The following GSE1 variants were observed in gnomAD, a reference collection of about 807,000 sequenced individuals.
The protein encoded by GSE1 is Gse1 coiled-coil protein.
A neutral mutation model predicts 112.6 loss-of-function variants in GSE1; 32 were observed. The observed-to-expected ratio is 0.28, with a 90% CI of 0.21 to 0.38. The LOEUF (loss-of-function observed/expected upper bound fraction) is 0.38. Among genes scored for constraint, GSE1 ranks in the 10% least tolerant of loss-of-function variants. GSE1 has a pLI of 1.00. For synonymous variants in GSE1, 1,115 were observed against 735.6 expected, an observed-to-expected ratio of 1.52 and a Z score of -8.35; for missense variants, 2,348 against 1,699.2, an observed-to-expected ratio of 1.38 and a Z score of -6.71.
chr16:85,327,262 C>T (rs1420993405), intron 1 of GSE1, among the ~76,000 whole-genome samples: 1 of 152,228 alleles, frequency 6.6e-6, no homozygotes, highest in Non-Finnish European at 1.5e-5. Context: ...CAGATGCAGA[C>T]ACAGAGCCCT....
intron 1 of GSE1, among the ~76,000 whole-genome samples, chr16:85,581,551 G>A (rs1044487896): frequency 1.3e-5 from 2 of 152,200 alleles, no homozygotes; most frequent in African/African-American, 2.4e-5. Flanking sequence ...CCCCAAGGCA[G>A]GACCCTGGAG....
intron 2 of GSE1, among the ~76,000 whole-genome samples, chr16:85,367,321 T>TGTCTCTGCTGC (rs1234488626): frequency 5.3e-5 from 8 of 152,204 alleles, no homozygotes; most frequent in African/African-American, 1.9e-4. Flanking sequence ...TCTCTGCCGC[T>TGTCTCTGCTGC]ACAATGCCGT....
At chr16:85,292,756 G>A (rs1391842888) in intron 1 of GSE1, among the ~76,000 whole-genome samples, 1 of 152,128 alleles carries the variant, frequency 6.6e-6, no homozygotes, top group East Asian at 1.9e-4. Context: ...CACTGCGCCC[G>A]GCCAGAATGA....
chr16:85,580,806 G>C (rs569136821), intron 1 of GSE1, among the ~76,000 whole-genome samples: 1 of 152,256 alleles, frequency 6.6e-6, no homozygotes, highest in Non-Finnish European at 1.5e-5. Context: ...CGCTGTCTCC[G>C]TCACGTGAGC....
At chr16:85,576,507 G>T (rs758524707) in intron 1 of GSE1, among the ~76,000 whole-genome samples, 2 of 152,066 alleles carry the variant, frequency 1.3e-5, no homozygotes, top group Admixed American at 1.3e-4. Context: ...GCTGGAGCTC[G>T]GATCACCTGA....
Position 85,343,988 on chromosome 16 carries a change from G to A in GSE1, c.2284-13475G>A, listed in dbSNP as rs899659899. Among the ~76,000 whole-genome samples, 32 of 152,126 alleles carry A rather than the reference G, an allele frequency of 2.1e-4. 1 individual carries two copies. The highest frequency in any genetic ancestry group is 1.7e-4 in the African/African-American group (7 of 41,420). On this transcript the variant is annotated intron_variant, in intron 1 of 2. Coordinates refer to the GSE1 transcript ENST00000637419. ...GGCCTTTGCACTGGCCATTCCCCGC[G>A]CCTGAAACACTATTCCCCCAGGAAC... is the stretch of plus-strand genomic sequence containing the variant.
At chr16:85,345,085 C>G (rs79175208) in intron 1 of GSE1, among the ~76,000 whole-genome samples, 6 of 151,494 alleles carry the variant, frequency 4.0e-5, no homozygotes, top group Admixed American at 3.9e-4. Context: ...CCTCCCACCC[C>G]CTCCTAAACC....
intron 1 of GSE1, chr16:85,185,349 CA>C (rs1436506955): frequency 1.3e-5 from 2 of 152,406 alleles, no homozygotes; most frequent in East Asian, 3.9e-4. Flanking sequence ...GCTTTGGGGC[CA>C]TGGGTCTGAG....
chr16:85,614,715 A>AGTG, intron 1 of GSE1, among the ~76,000 whole-genome samples: 1 of 152,170 alleles, frequency 6.6e-6, no homozygotes, highest in East Asian at 1.9e-4. Flanking sequence ...GCTCTTACAA[A>AGTG]CTAGCCTTTG....
upstream of GSE1, among the ~76,000 whole-genome samples, chr16:85,552,789 GGCACCCAGCAGATTGGGGGA>G (rs1307076231): frequency 2.6e-5 from 4 of 152,202 alleles, no homozygotes; most frequent in Non-Finnish European, 5.9e-5. Flanking sequence ...GGGGAAGGGG[GGCACCCAGCAGATTGGGGGA>G]GCACCCCTCC....
At chr16:85,396,952 A>G (rs1339203711) in intron 2 of GSE1, among the ~76,000 whole-genome samples, 1 of 152,250 alleles carries the variant, frequency 6.6e-6, no homozygotes, top group Non-Finnish European at 1.5e-5. Flanking sequence ...ACACCCAGGC[A>G]GAGAACAGAG....
At chr16:85,292,613 C>T (rs2045255846) in intron 1 of GSE1, among the ~76,000 whole-genome samples, 1 of 152,160 alleles carries the variant, frequency 6.6e-6, no homozygotes, top group Admixed American at 6.5e-5. Flanking sequence ...AGGCCGGAGC[C>T]ACTGTGCCTG....
intron 1 of GSE1, among the ~76,000 whole-genome samples, chr16:85,268,375 C>T (rs536816434): frequency 2.0e-5 from 3 of 152,268 alleles, no homozygotes; most frequent in South Asian, 2.1e-4. Context: ...TGAGTGACCG[C>T]GCCGAGCCCC....
At chr16:85,603,224 G>C (rs2047542768) in intron 1 of GSE1, among the ~76,000 whole-genome samples, 1 of 152,246 alleles carries the variant, frequency 6.6e-6, no homozygotes, top group African/African-American at 2.4e-5. Flanking sequence ...GGGACATTGT[G>C]AACCCCTCCA....
At chr16:85,183,790 C>T (rs943490565) in intron 1 of GSE1, among the ~76,000 whole-genome samples, 15 of 152,118 alleles carry the variant, frequency 9.9e-5, no homozygotes, top group African/African-American at 3.1e-4. Context: ...GGTGGAGACA[C>T]GTGCCAAGGT....
intron 1 of GSE1, among the ~76,000 whole-genome samples, chr16:85,620,271 T>C (rs2048647241): frequency 1.3e-5 from 2 of 152,108 alleles, no homozygotes; most frequent in Admixed American, 6.5e-5. Flanking sequence ...GCCTGGGTGA[T>C]AGAGCGGGAC....
At chr16:85,280,117 G>A (rs1174150219) in intron 1 of GSE1, among the ~76,000 whole-genome samples, 4 of 152,238 alleles carry the variant, frequency 2.6e-5, no homozygotes, top group Non-Finnish European at 1.5e-5. Context: ...TCTCCAGAGT[G>A]CATGCTGTTT....
Position 85,400,088 on chromosome 16 carries a change from A to G in GSE1, c.2464+42445A>G, listed in dbSNP as rs2048060969. On this transcript the variant is annotated intron_variant, in intron 2 of 2. Transcript: ENST00000637419. The stretch of plus-strand genomic sequence containing the variant: ...GGCCACACGGAGCTACTGACTGCTG[A>G]CACCTGCGTCTTCGCCGCCACACCG... 2.0e-5 allele frequency among the ~76,000 whole-genome samples: 3 copies of G among 152,364 alleles called. 1 individual carries two copies. In the South Asian group the frequency reaches 6.2e-4, roughly 32 times the overall value.
chr16:85,614,257 C>T (rs546927558), intron 1 of GSE1, among the ~76,000 whole-genome samples: 1 of 152,098 alleles, frequency 6.6e-6, no homozygotes, highest in South Asian at 2.1e-4. Context: ...CGCTGATGGG[C>T]GGCGAGTGGC....
Sources: allele counts gnomAD v4.1 joint callset (sites outside exome capture counted in the v4.1 genomes callset), GRCh38; gene constraint gnomAD v4.1.1; transcripts MANE v1.5; gene names NCBI Gene and HGNC (gene_info 2026-07-23, HGNC 2026-07-21).